LHX9: variants seen among roughly 807,000 people sequenced by gnomAD.
The protein encoded by LHX9 is LIM/homeobox protein Lhx9.
Under a neutral mutation model 36.5 loss-of-function variants are expected in LHX9, and 9 were observed. The observed-to-expected ratio is 0.25, with a 90% CI of 0.15 to 0.43. The LOEUF (loss-of-function observed/expected upper bound fraction) is 0.43. LHX9 is among the 20% of genes least tolerant of loss of function. The pLI, the probability that LHX9 is intolerant of heterozygous loss-of-function variation, is 1.00. For missense variants in LHX9, 464 were observed against 526.4 expected, an observed-to-expected ratio of 0.88 and a Z score of 1.16; for synonymous variants, 211 against 212.1, an observed-to-expected ratio of 0.99 and a Z score of 0.04.
Position 197,929,105 on chromosome 1 carries a change from C to G in LHX9, c.1040C>G (p.Ser347Ter). ...GGCACGTCGCTTCCGGCCCCGCCCTCAGCAGACAGCGGAGCTCTCACTCCA... is the reference window on the plus strand; with the variant it reads ...GGCACGTCGCTTCCGGCCCCGCCCTGAGCAGACAGCGGAGCTCTCACTCCA... ...ADGTSLPAPP[S>*]ADSGALTPPG... is the part of the protein sequence containing the mutation. Residue 347 changes from serine to a stop codon, truncating the protein, a stop_gained, in exon 5 of 5, where the codon TCA becomes TGA. Coordinates refer to ENST00000367387, the MANE Select transcript of LHX9 (RefSeq NM_020204.3). LOFTEE classifies it high-confidence loss of function. 1 of 1,613,744 alleles carries G rather than the reference C, an allele frequency of 6.2e-7. No homozygotes were observed. Among genetic ancestry groups the G allele is most frequent in the Non-Finnish European group, 8.5e-7 (1 of 1,179,886 alleles).
In LHX9 at chr1:197,932,144, T is replaced by C; in HGVS notation, c.*2885T>C. The C allele has an allele frequency of 1.9e-6, 1 of 539,498 alleles. No homozygotes were observed. The highest frequency in any genetic ancestry group is 3.4e-5 in the South Asian group (1 of 29,134). The allele number at this position is 539,498 out of a possible 1,614,324, so 33.4% of individuals were successfully genotyped here. Reference sequence around the variant, plus strand: ...ATGTTAACGAAACTTGTGTTCTTTATGGTGTCTAACACAACTGAAGGCCTA... The same window carrying C: ...ATGTTAACGAAACTTGTGTTCTTTACGGTGTCTAACACAACTGAAGGCCTA... On this transcript the variant is annotated 3_prime_UTR_variant, in exon 5 of 5. Coordinates refer to ENST00000367387, the MANE Select transcript of LHX9 (RefSeq NM_020204.3).
At chr1:197,916,556 G>T (rs189883582), upstream of LHX9, 636 of 646,472 alleles carry the variant, frequency 9.8e-4, no homozygotes, top group Non-Finnish European at 1.5e-3. Context: ...CTGAACCGGG[G>T]AAGAGAATAA....
chr1:197,928,893 C>CCA, intron 4 of LHX9, 109 bp from the exon 5 acceptor site: 1 of 1,020,566 alleles, frequency 9.8e-7, no homozygotes, highest in Non-Finnish European at 1.3e-6. Context: ...AAACCTATAT[C>CCA]AAAAAAAAAA....
At chr1:197,928,825 A>C (rs1411954432) in intron 4 of LHX9, among the ~76,000 whole-genome samples, 177 bp from the exon 5 acceptor site, 1 of 152,048 alleles carries the variant, frequency 6.6e-6, no homozygotes, top group Non-Finnish European at 1.5e-5. Flanking sequence ...GTTTTAAAAG[A>C]AAAGAAAAAA....
rs1660306083 is a variant in LHX9 at position 197,930,661 on chromosome 1, T to G, written c.*1402T>G. ...TTAATAGATTTTAAAGGTGTCCTTC[T>G]GGCTGTATAAATGTGTGGTTACATA... is the stretch of plus-strand genomic sequence containing the variant. On this transcript the variant is annotated 3_prime_UTR_variant, in exon 5 of 5. Coordinates refer to ENST00000367387, the MANE Select transcript of LHX9 (RefSeq NM_020204.3). 1 of 152,062 alleles carries G rather than the reference T, an allele frequency of 6.6e-6. No individual in the cohort carries two copies. The highest frequency in any genetic ancestry group is 1.5e-5 in the Non-Finnish European group (1 of 67,886). The allele number at this position is 152,062 out of a possible 1,614,324, so 9.4% of individuals were successfully genotyped here. A position where few individuals can be genotyped will look rare whatever the true frequency, so the allele number is the denominator to read the frequency against.
intron 3 of LHX9, among the ~76,000 whole-genome samples, chr1:197,922,556 AGAT>A (rs1238693493): frequency 6.6e-6 from 1 of 152,188 alleles, no homozygotes; most frequent in Non-Finnish European, 1.5e-5. Context: ...TCGGCTCTGC[AGAT>A]GATAATCTAA....
chr1:197,919,433 C>G (rs1659896060), intron 1 of LHX9, among the ~76,000 whole-genome samples: 1 of 152,212 alleles, frequency 6.6e-6, no homozygotes, highest in South Asian at 2.1e-4. Flanking sequence ...CCAAATATAT[C>G]TCAATCAAAA....
At chr1:197,920,842 A>G (rs1032683061) in intron 2 of LHX9, among the ~76,000 whole-genome samples, 1 of 151,932 alleles carries the variant, frequency 6.6e-6, no homozygotes, top group Non-Finnish European at 1.5e-5. Context: ...AAAAATAATA[A>G]CCTTTCCTTT....
At chr1:197,918,785 C>T (rs573299925) in intron 1 of LHX9, 1 of 100,448 alleles carries the variant, frequency 1.0e-5, no homozygotes, top group South Asian at 3.5e-4. Context: ...CTTCCCTTTC[C>T]AGATTACTAA....
At position 197,925,319 on chromosome 1, in the gene LHX9, A is replaced by G. The variant is rs971241375; in HGVS notation, c.734-2272A>G. 6.6e-5 allele frequency among the ~76,000 whole-genome samples: 10 copies of G among 152,206 alleles called. No homozygotes were observed. The East Asian group carries it at 1.9e-3, about 29-fold the overall frequency. Reference sequence around the variant, plus strand: ...TCATTTTAAGAACTAATGATTATATAGTCAGGTTGGGAATCATATTCATTT... The same window carrying G: ...TCATTTTAAGAACTAATGATTATATGGTCAGGTTGGGAATCATATTCATTT... On this transcript the variant is annotated intron_variant, in intron 3 of 4. Coordinates refer to ENST00000367387, the MANE Select transcript of LHX9 (RefSeq NM_020204.3).
upstream of LHX9, chr1:197,913,240 GTT>G (rs10566483): frequency 0.94 from 143,987 of 152,382 alleles, 68,555 homozygotes; most frequent in East Asian, 1. Flanking sequence ...CTGGCGAGAG[GTT>G]TTTTTTTTGT....
chr1:197,925,741 T>C (rs1287627910), intron 3 of LHX9, among the ~76,000 whole-genome samples: 2 of 152,234 alleles, frequency 1.3e-5, no homozygotes, highest in African/African-American at 2.4e-5. Flanking sequence ...TCTGGACATA[T>C]GGTAGCCTTT....
Position 197,921,255 on chromosome 1 carries a change from G to A in LHX9, c.378-49G>A, listed in dbSNP as rs1447522399. ...AACCCAGGTGTCGCGGGTGGGATAT[G>A]GCTCTGCCTTGCTTCAACTAGCGCC... On this transcript the variant is annotated intron_variant, in intron 2 of 4. Coordinates refer to ENST00000367387, the MANE Select transcript of LHX9 (RefSeq NM_020204.3). This position sits in a 1 kb window ranked among gnomAD's most constrained non-coding sequence, Gnocchi z 4.6. The A allele has an allele frequency of 5.2e-6, 8 of 1,526,256 alleles. No individual in the cohort carries two copies. The highest frequency in any genetic ancestry group is 1.7e-4 in the Middle Eastern group (1 of 5,748). The allele number at this position is 1,526,256 out of a possible 1,614,324, so 94.5% of individuals were successfully genotyped here.
rs753522044 is a variant in LHX9 at position 197,929,125 on chromosome 1, A to G, written c.1060A>G (p.Thr354Ala). The change falls in exon 5 of 5, where the codon ACT becomes GCT. Residue 354 changes from threonine to alanine, a missense_variant. Thr to Ala is a moderately conservative substitution (Grantham distance 58). Coordinates refer to ENST00000367387, the MANE Select transcript of LHX9 (RefSeq NM_020204.3). ...APPSADSGAL[T>A]PPGTATTLTD... ...GCCCTCAGCAGACAGCGGAGCTCTC[A>G]CTCCACCCGGCACTGCGACCACTTT... 1 of 1,613,330 alleles carries G rather than the reference A, an allele frequency of 6.2e-7. No homozygotes were observed. The highest frequency in any genetic ancestry group is 1.3e-5 in the African/African-American group (1 of 74,802).
At chr1:197,926,864 T>C (rs1228383730) in intron 3 of LHX9, among the ~76,000 whole-genome samples, 1 of 152,252 alleles carries the variant, frequency 6.6e-6, no homozygotes, top group Non-Finnish European at 1.5e-5. Flanking sequence ...GAAAAATATT[T>C]TCTTTCTGGT....
At chr1:197,928,058 C>T (rs1055999225) in intron 4 of LHX9, among the ~76,000 whole-genome samples, 2 of 152,190 alleles carry the variant, frequency 1.3e-5, no homozygotes, top group African/African-American at 4.8e-5. Context: ...CAGCTTGTCT[C>T]ACTGCTGTGC....
chr1:197,922,190 A>G (rs1489147588), intron 3 of LHX9, among the ~76,000 whole-genome samples: 1 of 152,152 alleles, frequency 6.6e-6, no homozygotes, highest in Non-Finnish European at 1.5e-5. Flanking sequence ...GGCAAAAAGC[A>G]GTTGTAGGGG....
rs182081097 is a variant in LHX9 at position 197,924,415 on chromosome 1, C to A, written c.733+2756C>A. On this transcript the variant is annotated intron_variant, in intron 3 of 4. Transcript: ENST00000367387. ...AAAGGCCAGCTAGTGCTTGATAGGGCAAATGCCTTTTAATGAGAATGTCCC... is the reference window on the plus strand; with the variant it reads ...AAAGGCCAGCTAGTGCTTGATAGGGAAAATGCCTTTTAATGAGAATGTCCC... 1.5e-3 allele frequency among the ~76,000 whole-genome samples: 235 copies of A among 152,330 alleles called. 1 individual carries two copies. The highest frequency in any genetic ancestry group is 5.5e-3 in the African/African-American group (228 of 41,574).
chr1:197,923,770 T>G (rs1660066946), intron 3 of LHX9, among the ~76,000 whole-genome samples: 2 of 152,178 alleles, frequency 1.3e-5, no homozygotes, highest in Admixed American at 6.5e-5. Context: ...GAGTACAAAT[T>G]TATTTTTAAG....
Sources: allele counts gnomAD v4.1 joint callset (sites outside exome capture counted in the v4.1 genomes callset), GRCh38; gene constraint gnomAD v4.1.1; non-coding constraint Gnocchi (gnomAD v3.1); transcripts MANE v1.5; gene names NCBI Gene and HGNC (gene_info 2026-07-23, HGNC 2026-07-21).